CST7: variants seen among roughly 807,000 people sequenced by gnomAD.
CST7 encodes the protein cystatin F.
In CST7, 15 loss-of-function variants were observed where a neutral mutation model predicts 13.1. The observed-to-expected ratio is 1.14, with a 90% confidence interval of 0.77 to 1.76. The LOEUF (loss-of-function observed/expected upper bound fraction) is 1.76, where lower values mean the gene tolerates loss of function less well. Ranked by LOEUF, CST7 falls within the 40% of genes most tolerant of loss-of-function variation. The pLI is 0.00. For synonymous variants in CST7, 75 were observed against 66.9 expected, an observed-to-expected ratio of 1.12 and a Z score of -0.59; for missense variants, 193 against 178.8, an observed-to-expected ratio of 1.08 and a Z score of -0.45.
chr20:24,949,434 T>C lies in CST7; in HGVS notation c.-72T>C. On this transcript the variant is annotated 5_prime_UTR_variant, in exon 1 of 4. Transcript: ENST00000480798. ...ACGGGCACCAACCACTGCCTCCAAC[T>C]GCCCCATGCTGCCTGAGAAGGCACT... The C allele has an allele frequency of 1.2e-6, 2 of 1,612,398 alleles. No individual in the cohort carries two copies. The highest frequency in any genetic ancestry group is 1.1e-5 in the South Asian group (1 of 90,948).
Position 24,949,514 on chromosome 20 carries a change from G to A in CST7, c.9G>A (p.Ala3=), listed in dbSNP as rs745364309. ...TCCCTACCCGGGCAGCCATGCGAGCGGCTGGAACTCTGCTGGCCTTCTGCT... is the reference window on the plus strand; with the variant it reads ...TCCCTACCCGGGCAGCCATGCGAGCAGCTGGAACTCTGCTGGCCTTCTGCT... The part of the protein sequence containing the change: MR[A]AGTLLAFCCL... The change falls in exon 1 of 4, where the codon GCG becomes GCA. Residue 3 remains alanine, a synonymous_variant. Transcript: ENST00000480798. 1.2e-5 allele frequency: 19 copies of A among 1,613,996 alleles called. No homozygotes were observed. Among genetic ancestry groups the A allele is most frequent in the Middle Eastern group, 1.6e-4 (1 of 6,084 alleles).
chr20:24,959,687 A>C lies in CST7; in HGVS notation c.413A>C (p.Glu138Ala). ...GTCGTGCCCTGGCTCCAGCACTTCG[A>C]GGTGCCTGTTCTCCGTTGTCACTGA... ...VWVVPWLQHF[E>A]VPVLRCH The change falls in exon 4 of 4, where the codon GAG becomes GCG. Residue 138 changes from glutamate to alanine, a missense_variant. Coordinates refer to ENST00000480798, the MANE Select transcript of CST7 (RefSeq NM_003650.4). 1 of 1,614,058 alleles carries C rather than the reference A, an allele frequency of 6.2e-7. No homozygotes were observed. Among genetic ancestry groups the C allele is most frequent in the South Asian group, 1.1e-5 (1 of 91,080 alleles).
chr20:24,957,026 G>GAGAACATGTGA (rs1309082436), intron 1 of CST7, among the ~76,000 whole-genome samples: 2 of 102,826 alleles, frequency 1.9e-5, no homozygotes, highest in Non-Finnish European at 4.2e-5. Context: ...GGGCAGGTGA[G>GAGAACATGTGA]GGGAGCAGGT....
chr20:24,956,197 G>T (rs1568805763), intron 1 of CST7, among the ~76,000 whole-genome samples: 2 of 152,160 alleles, frequency 1.3e-5, no homozygotes, highest in Non-Finnish European at 2.9e-5. Flanking sequence ...TCTACCCTTG[G>T]TGGGGTCTGG....
rs142863776 is a variant in CST7, at chr20:24,953,362, G to A, written c.70+3787G>A. Among the ~76,000 whole-genome samples the A allele has an allele frequency of 2.2e-4, 34 of 152,328 alleles. No individual in the cohort carries two copies. In the Middle Eastern group the frequency reaches 0.014, roughly 61 times the overall value. ...AGGGGCAGCGTGATGTCACAGCACAGGGAGAGGAAGAAGCTGTATTTTCGT... is the reference window on the plus strand; with the variant it reads ...AGGGGCAGCGTGATGTCACAGCACAAGGAGAGGAAGAAGCTGTATTTTCGT... On this transcript the variant is annotated intron_variant, in intron 1 of 3. Coordinates refer to ENST00000480798, the MANE Select transcript of CST7 (RefSeq NM_003650.4).
chr20:24,951,473 G>A (rs915652163), intron 1 of CST7, among the ~76,000 whole-genome samples: 8 of 152,192 alleles, frequency 5.3e-5, no homozygotes, highest in East Asian at 3.9e-4. Flanking sequence ...TTCAGTCTTC[G>A]GCTGTATAGG....
intron 1 of CST7, among the ~76,000 whole-genome samples, chr20:24,952,833 G>A (rs965899587): frequency 5.5e-4 from 84 of 152,330 alleles, no homozygotes; most frequent in African/African-American, 1.9e-3. Context: ...CCAACCTCCC[G>A]GCCACACCTA....
rs6050196 is a variant in CST7 at position 24,953,751 on chromosome 20, G to A, written c.71-3536G>A. Among the ~76,000 whole-genome samples, 8 of 152,312 alleles carry A rather than the reference G, an allele frequency of 5.3e-5. 1 individual carries two copies. In the East Asian group the frequency reaches 1.4e-3, roughly 26 times the overall value. On this transcript the variant is annotated intron_variant, in intron 1 of 3. Coordinates refer to ENST00000480798, the MANE Select transcript of CST7 (RefSeq NM_003650.4). ...CCGGCAGGCTCCTGGTGCGAGCCTC[G>A]CACATGGCAGGTCCCCCATTCCCCT...
intron 1 of CST7, 105 bp from the exon 2 acceptor site, chr20:24,957,182 C>T: frequency 8.8e-7 from 1 of 1,133,362 alleles, no homozygotes; most frequent in Non-Finnish European, 1.2e-6. Flanking sequence ...GGCCAGGACA[C>T]ACACGCCAGC....
intron 1 of CST7, among the ~76,000 whole-genome samples, chr20:24,954,485 C>T (rs1377400124): frequency 6.6e-6 from 1 of 152,170 alleles, no homozygotes; most frequent in Non-Finnish European, 1.5e-5. Flanking sequence ...AGATGAGTGG[C>T]CTCTTTGGGG....
chr20:24,958,608 T>C (rs2087873933), intron 2 of CST7, among the ~76,000 whole-genome samples: 1 of 152,140 alleles, frequency 6.6e-6, no homozygotes, highest in Admixed American at 6.5e-5. Context: ...ACAGCCATCA[T>C]GGGGCTGGAG....
At chr20:24,958,563 C>T (rs559163812) in intron 2 of CST7, among the ~76,000 whole-genome samples, 11 of 152,198 alleles carry the variant, frequency 7.2e-5, no homozygotes, top group South Asian at 2.1e-4. Flanking sequence ...AGGGGAAGCC[C>T]GCAGACCCCA....
At chr20:24,958,886 C>T (rs1444010635) in intron 2 of CST7, 42 bp from the exon 3 acceptor site, 24 of 1,452,880 alleles carry the variant, frequency 1.7e-5, no homozygotes, top group Non-Finnish European at 2.2e-5. Context: ...GCCTGCCCTC[C>T]CTCCCCTGTG....
Position 24,958,819 on chromosome 20 carries a change from C to T in CST7, c.244-109C>T, listed in dbSNP as rs2087875543. ...TGCCCCAAGATGCTGGCCCACTTCC[C>T]TTCTCCTCGGTGGGCACCTGCACCA... On this transcript the variant is annotated intron_variant, in intron 2 of 3. Coordinates refer to ENST00000480798, the MANE Select transcript of CST7 (RefSeq NM_003650.4). 7 of 799,280 alleles carry T rather than the reference C, an allele frequency of 8.8e-6. No homozygotes were observed. The Admixed American group carries it at 1.4e-4, about 15-fold the overall frequency. The allele number at this position is 799,280 out of a possible 1,614,324, so 49.5% of individuals were successfully genotyped here. A position where few individuals can be genotyped will look rare whatever the true frequency, so the allele number is the denominator to read the frequency against.
rs551699172 is a variant in CST7, at chr20:24,949,509, C to G, written c.4C>G (p.Arg2Gly). 14 of 1,614,042 alleles carry G rather than the reference C, an allele frequency of 8.7e-6. No individual in the cohort carries two copies. The East Asian group carries it at 2.9e-4, about 33-fold the overall frequency. The part of the protein sequence containing the change: M[R>G]AAGTLLAFCC... ...CACTGTCCCTACCCGGGCAGCCATG[C>G]GAGCGGCTGGAACTCTGCTGGCCTT... Residue 2 changes from arginine to glycine, a missense_variant, in exon 1 of 4, where the codon CGA becomes GGA. Arg to Gly is a moderately radical substitution (Grantham distance 125, BLOSUM62 -2). Coordinates refer to ENST00000480798, the MANE Select transcript of CST7 (RefSeq NM_003650.4).
At position 24,956,347 on chromosome 20, in the gene CST7, A is replaced by G. The variant is rs886964203; in HGVS notation, c.71-940A>G. On this transcript the variant is annotated intron_variant, in intron 1 of 3. Transcript: ENST00000480798. ...GCCTCCCTGCAGTGCCCAGCTATGA[A>G]GCCTGTCCCCTCCCATTCCCCAATC... is the stretch of plus-strand genomic sequence containing the variant. Among the ~76,000 whole-genome samples, 5 of 152,108 alleles carry G rather than the reference A, an allele frequency of 3.3e-5. No individual in the cohort carries two copies. The South Asian group carries it at 1.0e-3, about 32-fold the overall frequency.
intron 2 of CST7, 123 bp downstream of exon 2, chr20:24,957,582 G>A: frequency 1.0e-6 from 1 of 964,934 alleles, no homozygotes; most frequent in South Asian, 1.6e-5. Flanking sequence ...AGAGCTCTGA[G>A]CAGAAAGCAG....
At chr20:24,956,865 C>G (rs2087858097) in intron 1 of CST7, among the ~76,000 whole-genome samples, 1 of 151,582 alleles carries the variant, frequency 6.6e-6, no homozygotes, top group Admixed American at 6.6e-5. Context: ...ACATGTTCCG[C>G]TTTTAACACT....
chr20:24,955,729 G>A (rs763087373), intron 1 of CST7, among the ~76,000 whole-genome samples: 3 of 152,198 alleles, frequency 2.0e-5, no homozygotes, highest in Non-Finnish European at 2.9e-5. Flanking sequence ...GATTACAGAC[G>A]TGAGCCACCT....
Sources: allele counts gnomAD v4.1 joint callset (sites outside exome capture counted in the v4.1 genomes callset), GRCh38; gene constraint gnomAD v4.1.1; transcripts MANE v1.5; gene names NCBI Gene and HGNC (gene_info 2026-07-23, HGNC 2026-07-21).